CFAP95: variants seen among roughly 807,000 people sequenced by gnomAD.
The protein encoded by CFAP95 is cilia- and flagella-associated protein 95.
At chr9:69,880,611 C>A in the CFAP95 span, among the ~76,000 whole-genome samples, 1 of 152,204 alleles carries the variant, frequency 6.6e-6, no homozygotes, top group Non-Finnish European at 1.5e-5. Context: ...AACAGTGCTG[C>A]AACAAACTTG....
At chr9:69,840,422 T>C in the CFAP95 span, among the ~76,000 whole-genome samples, 5 of 152,218 alleles carry the variant, frequency 3.3e-5, no homozygotes, top group African/African-American at 1.2e-4. Flanking sequence ...GATATTATCA[T>C]TACACTTAAT....
At chr9:69,834,671 G>T in the CFAP95 span, among the ~76,000 whole-genome samples, 1 of 152,082 alleles carries the variant, frequency 6.6e-6, no homozygotes. Context: ...ATAATGATGG[G>T]TCTTATTTAT....
At chr9:69,844,713 C>G in the CFAP95 span, 1 of 884,882 alleles carries the variant, frequency 1.1e-6, no homozygotes, top group Middle Eastern at 2.3e-4. Context: ...TTTTGTGCAG[C>G]ACCATCCCTC....
the CFAP95 span, among the ~76,000 whole-genome samples, chr9:69,888,800 C>T: frequency 1.1e-3 from 162 of 152,162 alleles, no homozygotes; most frequent in African/African-American, 3.6e-3. Context: ...ATCTCTTGAA[C>T]CCGGGAGGCA....
the CFAP95 span, among the ~76,000 whole-genome samples, chr9:69,848,423 C>T: frequency 6.6e-6 from 1 of 152,184 alleles, no homozygotes; most frequent in Non-Finnish European, 1.5e-5. Context: ...TAGCCAGAGG[C>T]ATCTTCTATC....
chr9:69,857,991 A>G, the CFAP95 span: 22 of 1,608,772 alleles, frequency 1.4e-5, no homozygotes, highest in Non-Finnish European at 1.8e-5. Flanking sequence ...AGTAGTCCCT[A>G]AACTGCTACA....
the CFAP95 span, among the ~76,000 whole-genome samples, chr9:69,882,066 G>T: frequency 0.63 from 94,589 of 151,182 alleles, 29,909 homozygotes; most frequent in East Asian, 0.82. Context: ...CACTGCAACC[G>T]CTGCCTCCCA....
the CFAP95 span, among the ~76,000 whole-genome samples, chr9:69,827,369 T>C: frequency 3.3e-5 from 5 of 152,258 alleles, no homozygotes; most frequent in Non-Finnish European, 7.3e-5. Flanking sequence ...AAATTTATTT[T>C]CTAAAACCAA....
chr9:69,872,764 C>A, the CFAP95 span, among the ~76,000 whole-genome samples: 2 of 152,192 alleles, frequency 1.3e-5, no homozygotes, highest in East Asian at 1.9e-4. Flanking sequence ...GTGGGAGGAT[C>A]AATTGAGCCT....
the CFAP95 span, among the ~76,000 whole-genome samples, chr9:69,875,275 T>C: frequency 6.6e-6 from 1 of 152,142 alleles, no homozygotes; most frequent in Admixed American, 6.5e-5. Flanking sequence ...AGTAATTGGC[T>C]GAAAGTCATC....
chr9:69,872,718 C>A, the CFAP95 span, among the ~76,000 whole-genome samples: 146 of 152,236 alleles, frequency 9.6e-4, no homozygotes, highest in African/African-American at 3.3e-3. Context: ...GGCACAGTGG[C>A]TCATACCTGT....
the CFAP95 span, among the ~76,000 whole-genome samples, chr9:69,858,649 C>T: frequency 6.6e-6 from 1 of 152,126 alleles, no homozygotes; most frequent in African/African-American, 2.4e-5. Context: ...AGACATAAAA[C>T]AAAGTTTTAT....
chr9:69,868,626 C>G, the CFAP95 span, among the ~76,000 whole-genome samples: 1 of 148,564 alleles, frequency 6.7e-6, no homozygotes, highest in Non-Finnish European at 1.5e-5. Context: ...CCATTGCACT[C>G]CAGCCTGAGT....
At chr9:69,904,902 G>A in the CFAP95 span, among the ~76,000 whole-genome samples, 2 of 152,270 alleles carry the variant, frequency 1.3e-5, no homozygotes, top group Admixed American at 1.3e-4. Flanking sequence ...GTTTTGTTAG[G>A]GTTCTGGAGG....
chr9:69,897,212 A>T, the CFAP95 span, among the ~76,000 whole-genome samples: 1 of 152,260 alleles, frequency 6.6e-6, no homozygotes, highest in Non-Finnish European at 1.5e-5. Context: ...TGACATTCAC[A>T]TAAATAAGCT....
chr9:69,893,819 G>A, the CFAP95 span, among the ~76,000 whole-genome samples: 5 of 152,192 alleles, frequency 3.3e-5, no homozygotes, highest in African/African-American at 1.2e-4. Flanking sequence ...TACTTCATCT[G>A]ACTATATCCA....
chr9:69,887,727 G>A, the CFAP95 span, among the ~76,000 whole-genome samples: 1 of 152,310 alleles, frequency 6.6e-6, no homozygotes, highest in East Asian at 1.9e-4. Context: ...CCTCCATCTC[G>A]AGTTGAGGTG....
chr9:69,827,992 T>A, the CFAP95 span, among the ~76,000 whole-genome samples: 2 of 152,214 alleles, frequency 1.3e-5, no homozygotes. Flanking sequence ...CAAAAGCCCC[T>A]CTTTTAGTTT....
the CFAP95 span, among the ~76,000 whole-genome samples, chr9:69,905,502 C>T: frequency 9.9e-5 from 15 of 152,140 alleles, no homozygotes; most frequent in African/African-American, 3.4e-4. Context: ...TGTGTCAGAG[C>T]TTGGCATTTA....
Sources: gnomAD v4.1 joint callset for allele counts (sites outside exome capture counted in the v4.1 genomes callset) on GRCh38, gnomAD v4.1.1 for gene constraint, MANE v1.5 for transcripts, NCBI Gene and HGNC (gene_info 2026-07-23, HGNC 2026-07-21) for gene names.